Variants in ERBB4 observed in about 807,000 individuals in gnomAD.
ERBB4 encodes the protein erb-b2 receptor tyrosine kinase 4.
ERBB4 carries 42 observed loss-of-function variants against 158.0 expected under a neutral mutation model. The observed-to-expected ratio is 0.27, with a 90% CI of 0.21 to 0.34. The LOEUF (loss-of-function observed/expected upper bound fraction) is 0.34. ERBB4 is among the 10% of genes least tolerant of loss of function. The pLI is 1.00. For synonymous variants in ERBB4, 583 were observed against 558.7 expected, an observed-to-expected ratio of 1.04 and a Z score of -0.61; for missense variants, 1,333 against 1,624.1, an observed-to-expected ratio of 0.82 and a Z score of 3.08.
At position 211,954,594 on chromosome 2, in the gene ERBB4, C is replaced by T. The variant is rs369931257; in HGVS notation, c.235-6978G>A. 8.7e-4 allele frequency among the ~76,000 whole-genome samples: 133 copies of T among 152,042 alleles called. 3 individuals are homozygous for T. In the South Asian group the frequency reaches 0.024, roughly 28 times the overall value. ...ATGCTGATTACTTAAGGTCAATAGA[C>T]TAAGTCAAATAAACCTGTAGTATCA... On this transcript the variant is annotated intron_variant, in intron 2 of 27. Transcript: ENST00000342788.
At chr2:211,999,895 TA>T (rs1229425934) in intron 2 of ERBB4, among the ~76,000 whole-genome samples, 3 of 151,472 alleles carry the variant, frequency 2.0e-5, no homozygotes, top group African/African-American at 2.4e-5. Context: ...TGTCTCTTTC[TA>T]AAAAAAAGTC....
intron 2 of ERBB4, among the ~76,000 whole-genome samples, chr2:212,011,919 T>C (rs1575513652): frequency 2.0e-5 from 3 of 152,124 alleles, no homozygotes; most frequent in African/African-American, 7.2e-5. Context: ...AATTCTATCA[T>C]CTCCAATCTA....
chr2:212,289,170 T>C (rs2086114467), intron 1 of ERBB4, among the ~76,000 whole-genome samples: 1 of 152,182 alleles, frequency 6.6e-6, no homozygotes, highest in South Asian at 2.1e-4. Context: ...AAATATTGCT[T>C]TCCACTAATA....
intron 1 of ERBB4, among the ~76,000 whole-genome samples, chr2:212,259,043 AG>A (rs1283564501): frequency 6.6e-6 from 1 of 152,176 alleles, no homozygotes; most frequent in Non-Finnish European, 1.5e-5. Context: ...AGCATCTAGG[AG>A]GTGGGTATAA....
intron 1 of ERBB4, among the ~76,000 whole-genome samples, chr2:212,162,325 T>C (rs1319772581): frequency 1.3e-5 from 2 of 151,850 alleles, no homozygotes; most frequent in East Asian, 1.9e-4. Context: ...TACAAGTATA[T>C]AGTGTATGAT....
In ERBB4 at chr2:212,211,851, T is replaced by G. The variant is rs112164824; in HGVS notation, c.83-86948A>C. On this transcript the variant is annotated intron_variant, in intron 1 of 27. Coordinates refer to ENST00000342788, the MANE Select transcript of ERBB4 (RefSeq NM_005235.3). The stretch of plus-strand genomic sequence containing the variant: ...TGTTCCTGTGTTAGTTTGCTGATGA[T>G]GGCTTATAGCTTCATACATGTCCTC... 4.8e-3 allele frequency among the ~76,000 whole-genome samples: 731 copies of G among 152,214 alleles called. 7 individuals are homozygous for G. Among genetic ancestry groups the G allele is most frequent in the Middle Eastern group, 0.017 (5 of 294 alleles).
intron 1 of ERBB4, among the ~76,000 whole-genome samples, chr2:212,154,255 A>G (rs559748994): frequency 6.6e-6 from 1 of 152,138 alleles, no homozygotes; most frequent in Non-Finnish European, 1.5e-5. Context: ...AATGATTCAC[A>G]TGGCTTAAAG....
chr2:211,419,728 G>T (rs2063474847), intron 25 of ERBB4, among the ~76,000 whole-genome samples: 1 of 151,996 alleles, frequency 6.6e-6, no homozygotes, highest in Non-Finnish European at 1.5e-5. Context: ...GTATACTAAT[G>T]CTTCACATAC....
At chr2:212,157,930 TA>T (rs2081090497) in intron 1 of ERBB4, among the ~76,000 whole-genome samples, 1 of 152,064 alleles carries the variant, frequency 6.6e-6, no homozygotes, top group Non-Finnish European at 1.5e-5. Context: ...TCAGTGAAAC[TA>T]AATACACAAA....
At chr2:211,966,462 A>ACC (rs1347350027) in intron 2 of ERBB4, among the ~76,000 whole-genome samples, 1 of 151,890 alleles carries the variant, frequency 6.6e-6, no homozygotes, top group East Asian at 1.9e-4. Flanking sequence ...GGCTGGTCTC[A>ACC]AACTCCTGAC....
chr2:211,517,291 T>C (rs1451610186), intron 20 of ERBB4, among the ~76,000 whole-genome samples: 1 of 152,156 alleles, frequency 6.6e-6, no homozygotes, highest in Admixed American at 6.5e-5. Context: ...GTGATAATGA[T>C]ACCTTCTCAT....
chr2:212,116,872 A>C (rs2079586539), intron 2 of ERBB4, among the ~76,000 whole-genome samples: 1 of 152,218 alleles, frequency 6.6e-6, no homozygotes. Context: ...CTGAAAGAGC[A>C]TCAGAATTTT....
intron 20 of ERBB4, among the ~76,000 whole-genome samples, chr2:211,517,834 A>C (rs2066079150): frequency 6.6e-6 from 1 of 152,128 alleles, no homozygotes; most frequent in Admixed American, 6.5e-5. Context: ...GAGGAGGTAG[A>C]TTTTATTTTT....
chr2:211,916,950 T>G (rs1332348690), intron 3 of ERBB4, among the ~76,000 whole-genome samples: 1 of 152,106 alleles, frequency 6.6e-6, no homozygotes, highest in Non-Finnish European at 1.5e-5. Context: ...TGTGCTAACA[T>G]TTAAGGATTG....
intron 1 of ERBB4, among the ~76,000 whole-genome samples, chr2:212,297,050 C>T (rs1411834948): frequency 1.3e-5 from 2 of 151,888 alleles, no homozygotes; most frequent in African/African-American, 4.8e-5. Context: ...ATACAAGAAC[C>T]CTGTCTGATG....
At chr2:211,583,455 C>T (rs1472486921) in intron 19 of ERBB4, among the ~76,000 whole-genome samples, 1 of 151,680 alleles carries the variant, frequency 6.6e-6, no homozygotes, top group Non-Finnish European at 1.5e-5. Flanking sequence ...ATTAAAATAT[C>T]ATGAGTAAGT....
chr2:212,020,921 A>T (rs1048910607), intron 2 of ERBB4, among the ~76,000 whole-genome samples: 1 of 152,138 alleles, frequency 6.6e-6, no homozygotes, highest in Non-Finnish European at 1.5e-5. Flanking sequence ...TACTGCTACC[A>T]GATTTTCTTA....
At chr2:211,776,401 G>A (rs1458000514) in intron 4 of ERBB4, among the ~76,000 whole-genome samples, 1 of 152,156 alleles carries the variant, frequency 6.6e-6, no homozygotes. Flanking sequence ...TCCCATAGGG[G>A]TGTGGTTGAG....
chr2:211,741,038 G>A (rs529730855), intron 5 of ERBB4, among the ~76,000 whole-genome samples: 2 of 152,284 alleles, frequency 1.3e-5, no homozygotes, highest in African/African-American at 2.4e-5. Context: ...CCGTTAGAGT[G>A]GTATGTAAGT....
Sources: allele counts gnomAD v4.1 joint callset (sites outside exome capture counted in the v4.1 genomes callset), GRCh38; gene constraint gnomAD v4.1.1; transcripts MANE v1.5; gene names NCBI Gene and HGNC (gene_info 2026-07-23, HGNC 2026-07-21).